KCNH8: variants seen among roughly 807,000 people sequenced by gnomAD.
KCNH8 encodes voltage-gated delayed rectifier potassium channel KCNH8.
A neutral mutation model predicts 103.6 loss-of-function variants in KCNH8; 70 were observed. The observed-to-expected ratio is 0.68, with a 90% CI of 0.56 to 0.82. KCNH8 has a LOEUF of 0.82. KCNH8 is among the 40% of genes least tolerant of loss of function. KCNH8 has a pLI of 0.00. For synonymous variants in KCNH8, 498 were observed against 489.4 expected (o/e 1.02, Z -0.23); for missense variants, 1,217 against 1,329.9 (o/e 0.92, Z 1.32).
At chr3:19,530,950 CT>C (rs2125254225) in intron 15 of KCNH8, among the ~76,000 whole-genome samples, 1 of 152,290 alleles carries the variant, frequency 6.6e-6, no homozygotes, top group East Asian at 1.9e-4. Flanking sequence ...ACATCCCTGC[CT>C]TTCTCAGCAT....
chr3:19,233,180 G>A (rs1472400107), intron 1 of KCNH8, among the ~76,000 whole-genome samples: 4 of 150,304 alleles, frequency 2.7e-5, no homozygotes, highest in Non-Finnish European at 5.9e-5. Context: ...TATTGCTACT[G>A]TCAGCACACT....
chr3:19,314,871 A>T (rs1232840276), intron 3 of KCNH8: 1 of 154,212 alleles, frequency 6.5e-6, no homozygotes, highest in Non-Finnish European at 1.5e-5. Flanking sequence ...TTGACTGCAC[A>T]TAATCCCATT....
chr3:19,160,241 C>T (rs1346862744), intron 1 of KCNH8, among the ~76,000 whole-genome samples: 1 of 152,124 alleles, frequency 6.6e-6, no homozygotes, highest in Non-Finnish European at 1.5e-5. Flanking sequence ...ATGATTCATT[C>T]TGCAGAAGGT....
At chr3:19,241,439 CAT>C (rs2064140039) in intron 1 of KCNH8, among the ~76,000 whole-genome samples, 1 of 152,100 alleles carries the variant, frequency 6.6e-6, no homozygotes, top group Non-Finnish European at 1.5e-5. Context: ...TAAGATACCT[CAT>C]GTGTAGACTA....
intron 9 of KCNH8, 40 bp downstream of exon 9, chr3:19,450,345 C>A: frequency 6.6e-7 from 1 of 1,513,294 alleles, no homozygotes; most frequent in Non-Finnish European, 9.2e-7. Flanking sequence ...GCAGAAAGCA[C>A]ATATTCTAAG....
intron 15 of KCNH8, among the ~76,000 whole-genome samples, chr3:19,532,941 A>G (rs371996011): frequency 0.032 from 4,820 of 152,212 alleles, 278 homozygotes; most frequent in African/African-American, 0.11. Context: ...TTCATGGCTC[A>G]CGCCTGAAAT....
chr3:19,505,958 T>A (rs1473310139), intron 11 of KCNH8, among the ~76,000 whole-genome samples: 2 of 151,768 alleles, frequency 1.3e-5, no homozygotes, highest in Admixed American at 6.6e-5. Context: ...TTTATTCTGC[T>A]CTTAATAATT....
At chr3:19,369,866 T>C (rs1480783912) in intron 5 of KCNH8, among the ~76,000 whole-genome samples, 1 of 152,048 alleles carries the variant, frequency 6.6e-6, no homozygotes, top group Non-Finnish European at 1.5e-5. Context: ...GCTGCTTCTT[T>C]AGTTTTGGTC....
At chr3:19,280,530 G>A (rs2064742018) in intron 2 of KCNH8, among the ~76,000 whole-genome samples, 1 of 151,908 alleles carries the variant, frequency 6.6e-6, no homozygotes, top group Admixed American at 6.6e-5. Flanking sequence ...TTCTATTTGT[G>A]TTTACGTATT....
At chr3:19,250,013 C>A (rs928780750) in intron 1 of KCNH8, among the ~76,000 whole-genome samples, 6 of 152,090 alleles carry the variant, frequency 3.9e-5, no homozygotes, top group South Asian at 2.1e-4. Flanking sequence ...GGTGAGTGAA[C>A]CACTTCAGTT....
intron 1 of KCNH8, among the ~76,000 whole-genome samples, chr3:19,154,565 C>G (rs893130603): frequency 2.6e-5 from 4 of 152,182 alleles, no homozygotes; most frequent in Non-Finnish European, 4.4e-5. Context: ...TTTTTACTAT[C>G]TCTTCTAATA....
intron 1 of KCNH8, among the ~76,000 whole-genome samples, chr3:19,196,465 A>G (rs1193959525): frequency 6.6e-6 from 1 of 151,974 alleles, no homozygotes; most frequent in African/African-American, 2.4e-5. Flanking sequence ...GAAATGAAAA[A>G]AAAAAAGATC....
intron 3 of KCNH8, among the ~76,000 whole-genome samples, chr3:19,332,251 AC>A (rs756089026): frequency 2.3e-4 from 35 of 151,908 alleles, no homozygotes; most frequent in Non-Finnish European, 4.4e-4. Context: ...AGTCATACCA[AC>A]CCCATCACCC....
At chr3:19,527,474 T>C (rs557993826) in intron 15 of KCNH8, among the ~76,000 whole-genome samples, 3 of 152,036 alleles carry the variant, frequency 2.0e-5, no homozygotes, top group Non-Finnish European at 4.4e-5. Flanking sequence ...TTATATCTGT[T>C]ATATTATTTA....
intron 8 of KCNH8, among the ~76,000 whole-genome samples, chr3:19,439,289 C>T (rs944922321): frequency 6.6e-6 from 1 of 152,148 alleles, no homozygotes; most frequent in Non-Finnish European, 1.5e-5. Flanking sequence ...TTATATTTCT[C>T]TTCAAAGAAA....
chr3:19,367,611 A>G (rs1164248549), intron 5 of KCNH8, among the ~76,000 whole-genome samples: 2 of 151,810 alleles, frequency 1.3e-5, no homozygotes, highest in African/African-American at 4.8e-5. Context: ...ATGCATATGT[A>G]GCACTAAACA....
At chr3:19,377,216 A>G (rs1559297885) in intron 5 of KCNH8, among the ~76,000 whole-genome samples, 2 of 152,242 alleles carry the variant, frequency 1.3e-5, no homozygotes, top group Non-Finnish European at 2.9e-5. Flanking sequence ...CAAGGAGACA[A>G]ATGAAAAGAC....
At position 19,223,564 on chromosome 3, in the gene KCNH8, G is replaced by A. The variant is rs370189367; in HGVS notation, c.77-30090G>A. ...TGTTCATGCTGAGCTTGTATATTAA[G>A]TTTGTGTAAGTTAAATGTGCTTATT... is the stretch of plus-strand genomic sequence containing the variant. On this transcript the variant is annotated intron_variant, in intron 1 of 15. Coordinates refer to ENST00000328405, the MANE Select transcript of KCNH8 (RefSeq NM_144633.3). Among the ~76,000 whole-genome samples the A allele has an allele frequency of 9.9e-5, 15 of 152,170 alleles. 2 individuals carry two copies. Among genetic ancestry groups the A allele is most frequent in the East Asian group, 5.8e-4 (3 of 5,176 alleles).
chr3:19,518,147 T>A, intron 15 of KCNH8, 73 bp downstream of exon 15: 1 of 1,171,116 alleles, frequency 8.5e-7, no homozygotes, highest in Non-Finnish European at 1.3e-6. Context: ...GCAGAAGCAG[T>A]GTAATATAGT....
Sources: gnomAD v4.1 joint callset for allele counts (sites outside exome capture counted in the v4.1 genomes callset) on GRCh38, gnomAD v4.1.1 for gene constraint, MANE v1.5 for transcripts, NCBI Gene and HGNC (gene_info 2026-07-23, HGNC 2026-07-21) for gene names.